Variants in GPR42 observed in about 807,000 individuals in gnomAD.
GPR42 encodes G protein-coupled receptor 42, also known as G-protein coupled receptor.
For missense variants in GPR42, 68 were observed against 311.2 expected (o/e 0.22, Z 5.88); for synonymous variants, 28 against 140.4 (o/e 0.20, Z 5.66).
chr19:35,371,370 G>A lies in GPR42; in HGVS notation c.11G>A (p.Gly4Asp). 1.4e-6 allele frequency: 1 copy of A among 728,392 alleles called. No individual in the cohort carries two copies. Among genetic ancestry groups the A allele is most frequent in the Non-Finnish European group, 2.0e-6 (1 of 510,026 alleles). The allele number at this position is 728,392 out of a possible 1,614,324, so 45.1% of individuals were successfully genotyped here. A position where few individuals can be genotyped will look rare whatever the true frequency, so the allele number is the denominator to read the frequency against. Reference protein sequence around the residue: MDTGPDQSYFSGNH... With the variant: MDTDPDQSYFSGNH... ...CCAGTGGCCACCACCATGGATACAGGCCCCGACCAGTCCTACTTCTCCGGC... is the reference window on the plus strand; with the variant it reads ...CCAGTGGCCACCACCATGGATACAGACCCCGACCAGTCCTACTTCTCCGGC... Residue 4 changes from glycine (G) to aspartate (D), a missense_variant, in exon 2 of 2, where the codon GGC becomes GAC. By Grantham distance (94) the Gly-to-Asp change is moderately conservative. Coordinates refer to ENST00000454971, the MANE Select transcript of GPR42 (RefSeq NM_001348195.2).
chr19:35,371,569 C>A lies in GPR42; in HGVS notation c.210C>A (p.Phe70Leu). The A allele has an allele frequency of 1.2e-6, 1 of 853,666 alleles. No homozygotes were observed. Among genetic ancestry groups the A allele is most frequent in the Non-Finnish European group, 1.6e-6 (1 of 606,630 alleles). The allele number at this position is 853,666 out of a possible 1,614,324, so 52.9% of individuals were successfully genotyped here. ...SDLLLLLFLP[F>L]RMVEAANGMH... is the part of the protein sequence containing the mutation. ...TGCTCCTGCTGCTGTTCCTGCCTTT[C>A]CGCATGGTGGAGGCAGCCAATGGCA... Residue 70 changes from phenylalanine (F) to leucine (L), a missense_variant, in exon 2 of 2, where the codon TTC becomes TTA. By Grantham distance (22) the Phe-to-Leu change is conservative. Coordinates refer to ENST00000454971, the MANE Select transcript of GPR42 (RefSeq NM_001348195.2).
intron 1 of GPR42, 56 bp from the exon 2 acceptor site, chr19:35,371,293 T>C (rs2067021348): frequency 2.1e-6 from 1 of 483,930 alleles, no homozygotes; most frequent in African/African-American, 2.7e-5. Context: ...GAGATGCTGC[T>C]GGCCAGAGGC....
At position 35,372,358 on chromosome 19, in the gene GPR42, G is replaced by A; in HGVS notation, c.999G>A (p.Gln333=). The part of the protein sequence containing the change: ...PAERKTSEHS[Q]GCGTGGQVAC... ...AAAGAAAGACCAGTGAACACTCACA[G>A]GGCTGTGGAACTGGTGGCCAGGTGG... is the stretch of plus-strand genomic sequence containing the variant. Residue 333 remains glutamine, a synonymous_variant, in exon 2 of 2, where the codon CAG becomes CAA. Coordinates refer to ENST00000454971, the MANE Select transcript of GPR42 (RefSeq NM_001348195.2). The A allele has an allele frequency of 1.4e-6, 2 of 1,453,974 alleles. No homozygotes were observed. The highest frequency in any genetic ancestry group is 1.9e-6 in the Non-Finnish European group (2 of 1,062,328). The allele number at this position is 1,453,974 out of a possible 1,614,324, so 90.1% of individuals were successfully genotyped here.
Position 35,372,378 on chromosome 19 carries a change from A to G in GPR42, c.1019A>G (p.Gln340Arg), listed in dbSNP as rs1443540538. 5.5e-6 allele frequency: 8 copies of G among 1,466,760 alleles called. 1 individual carries two copies. In the South Asian group the frequency reaches 9.3e-5, roughly 17 times the overall value. The allele number at this position is 1,466,760 out of a possible 1,614,324, so 90.9% of individuals were successfully genotyped here. A position where few individuals can be genotyped will look rare whatever the true frequency, so the allele number is the denominator to read the frequency against. ...EHSQGCGTGG[Q>R]VACAEN The stretch of plus-strand genomic sequence containing the variant: ...TCACAGGGCTGTGGAACTGGTGGCC[A>G]GGTGGCCTGTGCTGAAAACTAGGTC... Residue 340 changes from glutamine to arginine, a missense_variant, in exon 2 of 2, where the codon CAG becomes CGG. By Grantham distance (43) the Gln-to-Arg change is conservative. Coordinates refer to ENST00000454971, the MANE Select transcript of GPR42 (RefSeq NM_001348195.2).
In GPR42 at chr19:35,372,395, A is replaced by C. The variant is rs1444879579; in HGVS notation, c.1036A>C (p.Asn346His). The change falls in exon 2 of 2, where the codon AAC becomes CAC. Residue 346 changes from asparagine (N) to histidine (H), a missense_variant. By Grantham distance (68) the Asn-to-His change is moderately conservative. Transcript: ENST00000454971. ...GTGGQVACAE[N>H] ...TGGTGGCCAGGTGGCCTGTGCTGAA[A>C]ACTAGGTCCTCCGGGGGAGGAGGGT... The C allele has an allele frequency of 6.8e-7, 1 of 1,471,456 alleles. No homozygotes were observed. The highest frequency in any genetic ancestry group is 9.3e-7 in the Non-Finnish European group (1 of 1,071,922). The allele number at this position is 1,471,456 out of a possible 1,614,324, so 91.1% of individuals were successfully genotyped here.
At chr19:35,371,152 C>T (rs1737232914) in intron 1 of GPR42, 34 bp downstream of exon 1, 2 of 566,632 alleles carry the variant, frequency 3.5e-6, no homozygotes, top group Non-Finnish European at 5.0e-6. Context: ...GGTGGAGGAG[C>T]ACCTTGGTGC....
In GPR42 at chr19:35,371,654, A is replaced by G. The variant is rs1420459884; in HGVS notation, c.295A>G (p.Ile99Val). Residue 99 changes from isoleucine to valine, a missense_variant, in exon 2 of 2, where the codon ATC becomes GTC. By Grantham distance (29) the Ile-to-Val change is conservative. Transcript: ENST00000454971. ...PLSGFIFFTT[I>V]YLTALFLAAV... The stretch of plus-strand genomic sequence containing the variant: ...CTCTGGATTCATCTTCTTCACCACC[A>G]TCTATCTCACCGCCCTCTTCCTGGC... The G allele has an allele frequency of 2.8e-6, 2 of 702,828 alleles. No individual in the cohort carries two copies. The highest frequency in any genetic ancestry group is 1.7e-5 in the South Asian group (1 of 60,382). 43.5% of individuals were successfully genotyped at this position (702,828 alleles called of 1,614,324 possible). A position where few individuals can be genotyped will look rare whatever the true frequency, so the allele number is the denominator to read the frequency against.
In GPR42 at chr19:35,372,529, C is replaced by T; in HGVS notation, c.*129C>T. ...GGGGGCAGAGTAGACATCTAGCCTC[C>T]CTAAGGGTATGCGCGCTAAAGCCCA... On this transcript the variant is annotated 3_prime_UTR_variant, in exon 2 of 2. Transcript: ENST00000454971. The T allele has an allele frequency of 1.7e-6, 1 of 572,516 alleles. No homozygotes were observed. Among genetic ancestry groups the T allele is most frequent in the Non-Finnish European group, 3.2e-6 (1 of 310,360 alleles). The allele number at this position is 572,516 out of a possible 1,614,324, so 35.5% of individuals were successfully genotyped here. A position where few individuals can be genotyped will look rare whatever the true frequency, so the allele number is the denominator to read the frequency against.
chr19:35,371,224 G>T (rs539837910), intron 1 of GPR42, 106 bp downstream of exon 1: 1 of 404,440 alleles, frequency 2.5e-6, no homozygotes, highest in African/African-American at 2.4e-5. Context: ...GGCTGACCCC[G>T]CCTGGAAGGC....
In GPR42 at chr19:35,372,755, G is replaced by C. The variant is rs2067027397; in HGVS notation, c.*355G>C. On this transcript the variant is annotated 3_prime_UTR_variant, in exon 2 of 2. Transcript: ENST00000454971. ...TGCCCAGTGAGTGGCAGGGGCAGGA[G>C]AGGGGAGAACCCCATCCTCAGAGCT... is the stretch of plus-strand genomic sequence containing the variant. The C allele has an allele frequency of 7.3e-6, 1 of 136,794 alleles. No homozygotes were observed. The highest frequency in any genetic ancestry group is 2.9e-5 in the African/African-American group (1 of 34,286). 8.5% of individuals were successfully genotyped at this position (136,794 alleles called of 1,614,324 possible).
rs1400055514 is a variant in GPR42, at chr19:35,372,381, T to C, written c.1022T>C (p.Val341Ala). The change falls in exon 2 of 2, where the codon GTG becomes GCG. Residue 341 changes from valine (V) to alanine (A), a missense_variant. Physicochemically the swap from Val to Ala is moderately conservative, Grantham distance 64. Coordinates refer to ENST00000454971, the MANE Select transcript of GPR42 (RefSeq NM_001348195.2). ...CAGGGCTGTGGAACTGGTGGCCAGG[T>C]GGCCTGTGCTGAAAACTAGGTCCTC... The part of the protein sequence containing the change: ...HSQGCGTGGQ[V>A]ACAEN 2.0e-6 allele frequency: 3 copies of C among 1,469,130 alleles called. No individual in the cohort carries two copies. The highest frequency in any genetic ancestry group is 2.8e-6 in the Non-Finnish European group (3 of 1,071,220). The allele number at this position is 1,469,130 out of a possible 1,614,324, so 91.0% of individuals were successfully genotyped here.
In GPR42 at chr19:35,372,400, G is replaced by C; in HGVS notation, c.1041G>C (p.Ter347TyrextTer8). 1 of 1,466,380 alleles carries C rather than the reference G, an allele frequency of 6.8e-7. No homozygotes were observed. Among genetic ancestry groups the C allele is most frequent in the Non-Finnish European group, 9.4e-7 (1 of 1,067,122 alleles). 90.8% of individuals were successfully genotyped at this position (1,466,380 alleles called of 1,614,324 possible). A position where few individuals can be genotyped will look rare whatever the true frequency, so the allele number is the denominator to read the frequency against. ...TGGQVACAEN[*>Y] is the part of the protein sequence containing the mutation. ...GCCAGGTGGCCTGTGCTGAAAACTA[G>C]GTCCTCCGGGGGAGGAGGGTGTAGC... Residue 347 changes from the stop codon to tyrosine (Y), a stop_lost, in exon 2 of 2, where the codon TAG becomes TAC. Coordinates refer to ENST00000454971, the MANE Select transcript of GPR42 (RefSeq NM_001348195.2).
At position 35,372,447 on chromosome 19, in the gene GPR42, C is replaced by T. The variant is rs1244469466; in HGVS notation, c.*47C>T. ...TAGCTGGCGTGTCATCCTCAGGGCG[C>T]TTCCTCGCTCACGCCAGGAGGGACT... On this transcript the variant is annotated 3_prime_UTR_variant, in exon 2 of 2. Coordinates refer to ENST00000454971, the MANE Select transcript of GPR42 (RefSeq NM_001348195.2). The T allele has an allele frequency of 2.2e-6, 3 of 1,384,012 alleles. No homozygotes were observed. Among genetic ancestry groups the T allele is most frequent in the Non-Finnish European group, 3.0e-6 (3 of 996,998 alleles). 85.7% of individuals were successfully genotyped at this position (1,384,012 alleles called of 1,614,324 possible). A position where few individuals can be genotyped will look rare whatever the true frequency, so the allele number is the denominator to read the frequency against.
rs1316827381 is a variant in GPR42 at position 35,371,486 on chromosome 19, C to T, written c.127C>T (p.Leu43=). ...LLALVVFVGK[L]RCRPVAVDVL... is the part of the protein sequence containing the mutation. The stretch of plus-strand genomic sequence containing the variant: ...GGCCCTGGTGGTCTTCGTGGGCAAG[C>T]TGCGGTGCCGCCCGGTGGCCGTGGA... Residue 43 remains leucine (L), a synonymous_variant, in exon 2 of 2, where the codon CTG becomes TTG. Coordinates refer to ENST00000454971, the MANE Select transcript of GPR42 (RefSeq NM_001348195.2). 9 of 883,052 alleles carry T rather than the reference C, an allele frequency of 1.0e-5. No homozygotes were observed. The highest frequency in any genetic ancestry group is 1.4e-5 in the Non-Finnish European group (9 of 628,124). The allele number at this position is 883,052 out of a possible 1,614,324, so 54.7% of individuals were successfully genotyped here.
chr19:35,371,477 G>C lies in GPR42; in HGVS notation c.118G>C (p.Val40Leu), dbSNP rs752153627. 5.9e-5 allele frequency: 52 copies of C among 881,858 alleles called. 20 individuals carry two copies. Among genetic ancestry groups the C allele is most frequent in the Non-Finnish European group, 7.6e-5 (48 of 627,612 alleles). The allele number at this position is 881,858 out of a possible 1,614,324, so 54.6% of individuals were successfully genotyped here. The stretch of plus-strand genomic sequence containing the variant: ...CAACCTGCTGGCCCTGGTGGTCTTC[G>C]TGGGCAAGCTGCGGTGCCGCCCGGT... ...PLNLLALVVF[V>L]GKLRCRPVAV... Residue 40 changes from valine to leucine, a missense_variant, in exon 2 of 2, where the codon GTG (valine) becomes CTG (leucine). By Grantham distance (32) the Val-to-Leu change is conservative. Transcript: ENST00000454971.
At position 35,371,494 on chromosome 19, in the gene GPR42, C is replaced by T. The variant is rs143878165; in HGVS notation, c.135C>T (p.Cys45=). The T allele has an allele frequency of 2.8e-5, 25 of 881,058 alleles. 7 individuals are homozygous for T. The African/African-American group carries it at 4.4e-4, about 15-fold the overall frequency. 54.6% of individuals were successfully genotyped at this position (881,058 alleles called of 1,614,324 possible). A position where few individuals can be genotyped will look rare whatever the true frequency, so the allele number is the denominator to read the frequency against. The change falls in exon 2 of 2, where the codon TGC becomes TGT. Residue 45 remains cysteine (C), a synonymous_variant. Transcript: ENST00000454971. ...TGGTCTTCGTGGGCAAGCTGCGGTG[C>T]CGCCCGGTGGCCGTGGACGTGCTCC... ...ALVVFVGKLR[C]RPVAVDVLLL...
Position 35,372,429 on chromosome 19 carries a change from C to A in GPR42, c.*29C>A. On this transcript the variant is annotated 3_prime_UTR_variant, in exon 2 of 2. Transcript: ENST00000454971. ...CTCCGGGGGAGGAGGGTGTAGCTGG[C>A]GTGTCATCCTCAGGGCGCTTCCTCG... 1.4e-6 allele frequency: 2 copies of A among 1,436,394 alleles called. No individual in the cohort carries two copies. The highest frequency in any genetic ancestry group is 1.2e-5 in the South Asian group (1 of 84,398). The allele number at this position is 1,436,394 out of a possible 1,614,324, so 89.0% of individuals were successfully genotyped here.
In GPR42 at chr19:35,372,809, G is replaced by A; in HGVS notation, c.*409G>A. 1 of 206,664 alleles carries A rather than the reference G, an allele frequency of 4.8e-6. No individual in the cohort carries two copies. Among genetic ancestry groups the A allele is most frequent in the South Asian group, 9.3e-5 (1 of 10,758 alleles). The allele number at this position is 206,664 out of a possible 1,614,324, so 12.8% of individuals were successfully genotyped here. Reference sequence around the variant, plus strand: ...CCCAGCCAGCGAGTCAGGAGCGGGGGAGACAGGGCTCCAGGGATGAGGCCG... The same window carrying A: ...CCCAGCCAGCGAGTCAGGAGCGGGGAAGACAGGGCTCCAGGGATGAGGCCG... On this transcript the variant is annotated 3_prime_UTR_variant, in exon 2 of 2. Transcript: ENST00000454971.
chr19:35,372,379 G>C lies in GPR42; in HGVS notation c.1020G>C (p.Gln340His). ...CACAGGGCTGTGGAACTGGTGGCCA[G>C]GTGGCCTGTGCTGAAAACTAGGTCC... ...EHSQGCGTGGQVACAEN is the reference protein window; with the variant it reads ...EHSQGCGTGGHVACAEN The change falls in exon 2 of 2, where the codon CAG becomes CAC. Residue 340 changes from glutamine to histidine, a missense_variant. Physicochemically the swap from Gln to His is conservative, Grantham distance 24. Transcript: ENST00000454971. 1.4e-6 allele frequency: 2 copies of C among 1,469,212 alleles called. No individual in the cohort carries two copies. Among genetic ancestry groups the C allele is most frequent in the East Asian group, 5.0e-5 (2 of 39,712 alleles). 91.0% of individuals were successfully genotyped at this position (1,469,212 alleles called of 1,614,324 possible).
Sources: gnomAD v4.1 joint callset for allele counts on GRCh38, gnomAD v4.1.1 for gene constraint, MANE v1.5 for transcripts, NCBI Gene and HGNC (gene_info 2026-07-23, HGNC 2026-07-21) for gene names.